The following MBNL1 variants were observed in gnomAD, a reference collection of about 807,000 sequenced individuals.
The protein encoded by MBNL1 is muscleblind-like protein 1.
Under a neutral mutation model 42.2 loss-of-function variants are expected in MBNL1, and 8 were observed. The ratio of observed to expected loss-of-function variants is 0.19; its 90% CI spans 0.11 to 0.34. MBNL1 has a LOEUF of 0.34. Among genes scored for constraint, MBNL1 ranks in the 10% least tolerant of loss-of-function variants. MBNL1 has a pLI of 1.00. For missense variants in MBNL1, 309 were observed against 495.3 expected (o/e 0.62, Z 3.57); for synonymous variants, 169 against 173.9 (o/e 0.97, Z 0.22).
At chr3:152,247,191 T>C (rs1193548773) in intron 2 of MBNL1, among the ~76,000 whole-genome samples, 1 of 152,114 alleles carries the variant, frequency 6.6e-6, no homozygotes, top group Admixed American at 6.6e-5. Context: ...ACATGACCTG[T>C]TATTGAAAAA....
intron 1 of MBNL1, among the ~76,000 whole-genome samples, chr3:152,284,520 A>C (rs1210297714): frequency 2.0e-5 from 3 of 152,080 alleles, no homozygotes; most frequent in Non-Finnish European, 4.4e-5. Flanking sequence ...TGGTTTTATC[A>C]GCTGTTAATT....
chr3:152,307,906 G>A (rs1268347234), intron 2 of MBNL1, among the ~76,000 whole-genome samples: 2 of 152,104 alleles, frequency 1.3e-5, no homozygotes, highest in Non-Finnish European at 2.9e-5. Flanking sequence ...GTCAAGGAGT[G>A]AACCCAAAAT....
intron 6 of MBNL1, among the ~76,000 whole-genome samples, chr3:152,448,735 A>G (rs1051116227): frequency 1.5e-4 from 23 of 152,170 alleles, no homozygotes; most frequent in Admixed American, 2.6e-4. Flanking sequence ...TCATAATGCT[A>G]TAAGAGAATG....
At chr3:152,265,406 GTGTGTGTGTGTGTGTGTC>G (rs1367017082), upstream of MBNL1, 2 of 152,040 alleles carry the variant, frequency 1.3e-5, no homozygotes, top group African/African-American at 4.8e-5. Flanking sequence ...GTGTGTGTGT[GTGTGTGTGTGTGTGTGTC>G]AGGAAAGACA....
At chr3:152,257,508 A>C (rs1201608118) in intron 2 of MBNL1, among the ~76,000 whole-genome samples, 1 of 152,164 alleles carries the variant, frequency 6.6e-6, no homozygotes, top group Non-Finnish European at 1.5e-5. Context: ...AAAAAAAAAA[A>C]ATCTCTCAAA....
At chr3:152,286,986 G>A (rs969873007) in intron 1 of MBNL1, among the ~76,000 whole-genome samples, 25 of 152,076 alleles carry the variant, frequency 1.6e-4, no homozygotes, top group Non-Finnish European at 2.9e-5. Context: ...TTGGGAGGCC[G>A]AGGCGGGTGG....
intron 2 of MBNL1, among the ~76,000 whole-genome samples, chr3:152,392,253 T>C (rs1336092207): frequency 6.6e-6 from 1 of 152,188 alleles, no homozygotes; most frequent in Non-Finnish European, 1.5e-5. Context: ...TTAGGTAACA[T>C]TACACATAGG....
intron 3 of MBNL1, among the ~76,000 whole-genome samples, chr3:152,419,337 C>CA (rs932156098): frequency 1.1e-4 from 17 of 152,162 alleles, no homozygotes; most frequent in African/African-American, 4.1e-4. Flanking sequence ...AAGATCAATG[C>CA]AGAAGGCAGG....
In MBNL1 at chr3:152,298,217, G is replaced by A. The variant is rs2059439919; in HGVS notation, c.-789-1188G>A. Among the ~76,000 whole-genome samples the A allele has an allele frequency of 2.0e-5, 3 of 152,128 alleles. No individual in the cohort carries two copies. The South Asian group carries it at 6.2e-4, about 32-fold the overall frequency. On this transcript the variant is annotated intron_variant, in intron 1 of 9. Transcript: ENST00000324210. ...CATCAAATACTAGTTATCATACTGT[G>A]TCATTGCCTCTTTAAAATGTGAAAA...
chr3:152,350,280 A>C (rs2094809287), intron 2 of MBNL1, among the ~76,000 whole-genome samples: 2 of 152,160 alleles, frequency 1.3e-5, no homozygotes, highest in South Asian at 4.1e-4. Context: ...TTGGCTGTTA[A>C]AAGGACAGTA....
chr3:152,424,282 GACAA>G (rs1287719766), intron 3 of MBNL1, among the ~76,000 whole-genome samples: 4 of 151,932 alleles, frequency 2.6e-5, no homozygotes, highest in African/African-American at 7.3e-5. Context: ...ACCAATAATA[GACAA>G]ACAGAGAGCC....
chr3:152,338,374 C>T (rs1402444980), intron 2 of MBNL1: 11 of 985,288 alleles, frequency 1.1e-5, no homozygotes, highest in Non-Finnish European at 1.3e-5. Context: ...ATGGCTGCCT[C>T]TAAACCCTTG....
intron 8 of MBNL1, chr3:152,457,706 A>G (rs989381792): frequency 6.1e-6 from 1 of 162,964 alleles, no homozygotes; most frequent in South Asian, 1.7e-4. Flanking sequence ...TGGTAGAACT[A>G]TTATGATGGA....
At chr3:152,308,007 T>C (rs6807753) in intron 2 of MBNL1, among the ~76,000 whole-genome samples, 83,792 of 151,982 alleles carry the variant, frequency 0.55, 23,451 homozygotes, top group Middle Eastern at 0.64. Flanking sequence ...TGAATCATCT[T>C]AGATAACTAG....
intron 1 of MBNL1, among the ~76,000 whole-genome samples, chr3:152,290,892 GTTGGGTCACTGTACCATTCTTCCTGA>G (rs1284956934): frequency 6.6e-6 from 1 of 152,124 alleles, no homozygotes. Context: ...ACAGATTCGG[GTTGGGTCACTGTACCATTCTTCCTGA>G]AAATTGCCAA....
At chr3:152,272,039 T>TCTCTC (rs1559963665) in intron 1 of MBNL1, among the ~76,000 whole-genome samples, 9 of 147,708 alleles carry the variant, frequency 6.1e-5, no homozygotes, top group African/African-American at 2.3e-4. Flanking sequence ...CCTGTTTCTT[T>TCTCTC]TCTCTCTCTC....
intron 2 of MBNL1, among the ~76,000 whole-genome samples, chr3:152,248,569 T>A (rs996289802): frequency 6.6e-5 from 10 of 151,964 alleles, no homozygotes; most frequent in Non-Finnish European, 1.3e-4. Context: ...CAGTCTGAAT[T>A]TTCCAAGAAT....
chr3:152,264,882 C>T (rs149296712), upstream of MBNL1: 276 of 151,844 alleles, frequency 1.8e-3, no homozygotes, highest in African/African-American at 5.4e-3. Context: ...GTGCAATATA[C>T]GTGTTATACA....
intron 2 of MBNL1, among the ~76,000 whole-genome samples, chr3:152,378,712 GTTAT>G (rs1414312677): frequency 6.6e-6 from 1 of 152,040 alleles, no homozygotes; most frequent in East Asian, 1.9e-4. Flanking sequence ...TTATCCTTAT[GTTAT>G]TTATTTATTT....
Sources: allele counts gnomAD v4.1 joint callset (sites outside exome capture counted in the v4.1 genomes callset), GRCh38; gene constraint gnomAD v4.1.1; transcripts MANE v1.5; gene names NCBI Gene and HGNC (gene_info 2026-07-23, HGNC 2026-07-21).